Variants in CDH12 observed in about 807,000 individuals in gnomAD.
CDH12 encodes cadherin-12.
A neutral mutation model predicts 74.1 loss-of-function variants in CDH12; 41 were observed. That is an observed-to-expected ratio of 0.55 (90% CI 0.43 to 0.72). CDH12 has a LOEUF of 0.72. Among genes scored for constraint, CDH12 ranks in the 30% least tolerant of loss-of-function variants. The pLI is 0.00. For synonymous variants in CDH12, 399 were observed against 355.0 expected (o/e 1.12, Z -1.39); for missense variants, 945 against 977.2 (o/e 0.97, Z 0.44).
intron 2 of CDH12, among the ~76,000 whole-genome samples, chr5:22,500,255 T>C (rs1236185886): frequency 6.6e-6 from 1 of 152,202 alleles, no homozygotes; most frequent in Non-Finnish European, 1.5e-5. Context: ...TTTTCAAATA[T>C]AAACAATTAG....
intron 1 of CDH12, among the ~76,000 whole-genome samples, chr5:22,612,886 G>A (rs1737482543): frequency 6.6e-6 from 1 of 152,080 alleles, no homozygotes; most frequent in African/African-American, 2.4e-5. Flanking sequence ...AAAGGATTAG[G>A]TGACCAAAAT....
intron 8 of CDH12, among the ~76,000 whole-genome samples, chr5:21,818,094 T>C (rs1748162350): frequency 6.6e-6 from 1 of 151,880 alleles, no homozygotes; most frequent in African/African-American, 2.4e-5. Flanking sequence ...CAAATTCAAA[T>C]GAGGAAAGGA....
chr5:21,882,975 C>G (rs879084140), intron 6 of CDH12: 10 of 1,599,548 alleles, frequency 6.3e-6, no homozygotes, highest in African/African-American at 2.7e-5. Context: ...GGAAGGCTTC[C>G]AGAAGATTAG....
chr5:22,713,308 T>C (rs1423790680), intron 1 of CDH12, among the ~76,000 whole-genome samples: 1 of 151,526 alleles, frequency 6.6e-6, no homozygotes, highest in African/African-American at 2.4e-5. Context: ...GCCCCACTGA[T>C]TTTTTTGTAT....
intron 3 of CDH12, among the ~76,000 whole-genome samples, chr5:22,304,636 G>T (rs1738026997): frequency 6.6e-6 from 1 of 152,140 alleles, no homozygotes; most frequent in Non-Finnish European, 1.5e-5. Flanking sequence ...ATAAATGATA[G>T]GATGTGAATA....
At chr5:21,933,189 T>C (rs1433776220) in intron 6 of CDH12, among the ~76,000 whole-genome samples, 1 of 152,196 alleles carries the variant, frequency 6.6e-6, no homozygotes, top group Non-Finnish European at 1.5e-5. Flanking sequence ...ATGGTTTTAA[T>C]TCCCAATTTA....
intron 4 of CDH12, among the ~76,000 whole-genome samples, chr5:22,198,185 G>A (rs1308747290): frequency 6.6e-6 from 1 of 152,056 alleles, no homozygotes; most frequent in Non-Finnish European, 1.5e-5. Flanking sequence ...TCTGTGTCAG[G>A]GTGTTCATTT....
At chr5:22,596,929 G>C (rs1473257178) in intron 1 of CDH12, among the ~76,000 whole-genome samples, 1 of 152,150 alleles carries the variant, frequency 6.6e-6, no homozygotes, top group Non-Finnish European at 1.5e-5. Flanking sequence ...ACATTGAAAT[G>C]GATGAAATAT....
At chr5:21,950,757 T>TTTTTTTTATTA (rs369699094) in intron 6 of CDH12, among the ~76,000 whole-genome samples, 3 of 137,006 alleles carry the variant, frequency 2.2e-5, no homozygotes, top group Non-Finnish European at 1.6e-5. Flanking sequence ...TAAATTTTAT[T>TTTTTTTTATTA]TTATTATTAT....
intron 10 of CDH12, among the ~76,000 whole-genome samples, chr5:21,791,358 T>C (rs1166772785): frequency 6.6e-6 from 1 of 152,052 alleles, no homozygotes; most frequent in Non-Finnish European, 1.5e-5. Context: ...GCCCAGTTCT[T>C]AAAGGCATAG....
intron 1 of CDH12, among the ~76,000 whole-genome samples, chr5:22,812,360 C>G (rs2126451947): frequency 6.6e-6 from 1 of 152,166 alleles, no homozygotes; most frequent in African/African-American, 2.4e-5. Flanking sequence ...GCACTACCAC[C>G]CTGTCCGTCT....
chr5:22,499,002 C>G (rs1363721867), intron 2 of CDH12, among the ~76,000 whole-genome samples: 1 of 144,930 alleles, frequency 6.9e-6, no homozygotes, highest in Non-Finnish European at 1.5e-5. Flanking sequence ...CTCCCCCGTT[C>G]AAGTGATTCT....
At chr5:22,831,939 G>T (rs1736632963) in intron 1 of CDH12, among the ~76,000 whole-genome samples, 1 of 151,968 alleles carries the variant, frequency 6.6e-6, no homozygotes, top group Non-Finnish European at 1.5e-5. Flanking sequence ...ATAGTAAATA[G>T]AAATATTTTT....
At chr5:21,810,549 G>C (rs1376163139) in intron 9 of CDH12, among the ~76,000 whole-genome samples, 1 of 152,088 alleles carries the variant, frequency 6.6e-6, no homozygotes, top group Non-Finnish European at 1.5e-5. Context: ...AAAGAACTCA[G>C]CTTTAGACAG....
chr5:22,077,012 G>T (rs1742368324), intron 5 of CDH12, among the ~76,000 whole-genome samples: 1 of 151,710 alleles, frequency 6.6e-6, no homozygotes, highest in Non-Finnish European at 1.5e-5. Flanking sequence ...TAGGCAGCCT[G>T]TAAAGGAGAT....
intron 1 of CDH12, among the ~76,000 whole-genome samples, chr5:22,716,858 G>GA (rs1013564888): frequency 6.6e-6 from 1 of 150,984 alleles, no homozygotes; most frequent in Non-Finnish European, 1.5e-5. Flanking sequence ...ATTTGAAAAA[G>GA]AAAAAAAGAT....
At chr5:22,157,946 T>C (rs992072713) in intron 4 of CDH12, among the ~76,000 whole-genome samples, 2 of 152,046 alleles carry the variant, frequency 1.3e-5, no homozygotes, top group Non-Finnish European at 2.9e-5. Flanking sequence ...ATAATGAGAT[T>C]CAAATGTAAT....
chr5:22,288,424 A>G (rs1737247877), intron 3 of CDH12, among the ~76,000 whole-genome samples: 1 of 152,128 alleles, frequency 6.6e-6, no homozygotes. Context: ...TTGTCATCAT[A>G]CCTTGTTTGC....
At chr5:22,807,867 G>C (rs925512353) in intron 1 of CDH12, among the ~76,000 whole-genome samples, 1 of 152,130 alleles carries the variant, frequency 6.6e-6, no homozygotes, top group Non-Finnish European at 1.5e-5. Flanking sequence ...AAATGTGAAG[G>C]CCTGAGACAT....
Sources: allele counts gnomAD v4.1 joint callset (sites outside exome capture counted in the v4.1 genomes callset), GRCh38; gene constraint gnomAD v4.1.1; transcripts MANE v1.5; gene names NCBI Gene and HGNC (gene_info 2026-07-23, HGNC 2026-07-21).